IGBP1C: variants seen among roughly 807,000 people sequenced by gnomAD.
IGBP1C encodes IGBP1 family member C, also known as immunoglobulin-binding protein 1 family member C.
At chr17:58,680,692 C>T in the IGBP1C span, among the ~76,000 whole-genome samples, 3 of 152,032 alleles carry the variant, frequency 2.0e-5, no homozygotes, top group Non-Finnish European at 2.9e-5. Context: ...GCTGAGATCA[C>T]GCCGCTGCAC....
chr17:58,672,646 T>C, the IGBP1C span, among the ~76,000 whole-genome samples: 1 of 152,168 alleles, frequency 6.6e-6, no homozygotes, highest in African/African-American at 2.4e-5. Context: ...GGTTTCACCA[T>C]GTTGGCCAGG....
At chr17:58,684,170 T>C in the IGBP1C span, among the ~76,000 whole-genome samples, 2 of 148,982 alleles carry the variant, frequency 1.3e-5, no homozygotes, top group South Asian at 4.2e-4. Flanking sequence ...GAAAAAAAAA[T>C]GCTTCCGCCC....
chr17:58,668,901 G>A, the IGBP1C span, among the ~76,000 whole-genome samples: 1 of 152,158 alleles, frequency 6.6e-6, no homozygotes, highest in Non-Finnish European at 1.5e-5. Flanking sequence ...GTAGGGTGGA[G>A]ACATTCTGGC....
the IGBP1C span, among the ~76,000 whole-genome samples, chr17:58,679,173 A>G: frequency 2.0e-5 from 3 of 152,072 alleles, no homozygotes; most frequent in African/African-American, 7.2e-5. Context: ...GAAAAAAAAC[A>G]GAAGGACTCT....
At chr17:58,680,356 G>C in the IGBP1C span, among the ~76,000 whole-genome samples, 5 of 152,144 alleles carry the variant, frequency 3.3e-5, no homozygotes, top group Non-Finnish European at 7.4e-5. Context: ...AGTCCAAAGT[G>C]TCATGCTTAC....
chr17:58,682,867 C>T, the IGBP1C span, among the ~76,000 whole-genome samples: 2 of 151,994 alleles, frequency 1.3e-5, no homozygotes, highest in African/African-American at 2.4e-5. Flanking sequence ...TGTTATAATC[C>T]TCACAGAGGT....
chr17:58,661,285 C>T, the IGBP1C span: 1 of 808,642 alleles, frequency 1.2e-6, no homozygotes, highest in Non-Finnish European at 2.3e-6. Flanking sequence ...CGCGAGCCTG[C>T]TGCAAATGAT....
the IGBP1C span, among the ~76,000 whole-genome samples, chr17:58,663,363 A>C: frequency 6.7e-6 from 1 of 149,792 alleles, no homozygotes; most frequent in South Asian, 2.2e-4. Flanking sequence ...CGGAGGTTGC[A>C]GTAAGCCGAG....
chr17:58,663,883 C>T, the IGBP1C span, among the ~76,000 whole-genome samples: 1 of 152,172 alleles, frequency 6.6e-6, no homozygotes, highest in African/African-American at 2.4e-5. Context: ...AAAAACCATA[C>T]TAACTCTATT....
At chr17:58,663,396 T>C in the IGBP1C span, among the ~76,000 whole-genome samples, 4 of 131,952 alleles carry the variant, frequency 3.0e-5, no homozygotes, top group African/African-American at 8.8e-5. Context: ...CACTCCAGCC[T>C]GGGCAACAAG....
At chr17:58,688,308 C>G in the IGBP1C span, among the ~76,000 whole-genome samples, 1 of 152,000 alleles carries the variant, frequency 6.6e-6, no homozygotes, top group East Asian at 1.9e-4. Context: ...TTAGTAGAGA[C>G]GGGGTTTTAC....
At chr17:58,666,458 CAAAAAAAAAAAAAAAA>C in the IGBP1C span, 4 of 36,814 alleles carry the variant, frequency 1.1e-4, no homozygotes, top group East Asian at 1.2e-3. Flanking sequence ...CCTTCCACGG[CAAAAAAAAAAAAAAAA>C]AAAAAAAAAA....
the IGBP1C span, among the ~76,000 whole-genome samples, chr17:58,678,404 A>T: frequency 6.6e-6 from 1 of 152,234 alleles, no homozygotes; most frequent in Admixed American, 6.5e-5. Context: ...TATTCACAAT[A>T]GCAAAGACTT....
chr17:58,687,918 G>T, the IGBP1C span, among the ~76,000 whole-genome samples: 1 of 152,024 alleles, frequency 6.6e-6, no homozygotes, highest in Non-Finnish European at 1.5e-5. Flanking sequence ...GCTCCATGAG[G>T]GCAGAGAATC....
chr17:58,674,644 T>A, the IGBP1C span, among the ~76,000 whole-genome samples: 2 of 152,118 alleles, frequency 1.3e-5, no homozygotes, highest in African/African-American at 4.8e-5. Context: ...CACTCCAGCC[T>A]GGGTGACAGA....
chr17:58,680,291 T>A, the IGBP1C span, among the ~76,000 whole-genome samples: 3 of 152,306 alleles, frequency 2.0e-5, no homozygotes, highest in Admixed American at 1.3e-4. Context: ...TAAAATTATT[T>A]CTGAAAATCC....
chr17:58,676,061 G>GA, the IGBP1C span, among the ~76,000 whole-genome samples: 1 of 152,044 alleles, frequency 6.6e-6, no homozygotes, highest in Non-Finnish European at 1.5e-5. Flanking sequence ...CCAACATGGT[G>GA]AAACCCTCTC....
chr17:58,687,391 C>T, the IGBP1C span, among the ~76,000 whole-genome samples: 1 of 152,150 alleles, frequency 6.6e-6, no homozygotes, highest in Non-Finnish European at 1.5e-5. Context: ...TCTTTTGTCT[C>T]GTCTTTTATT....
At chr17:58,687,073 C>T in the IGBP1C span, among the ~76,000 whole-genome samples, 1 of 151,880 alleles carries the variant, frequency 6.6e-6, no homozygotes, top group Admixed American at 6.6e-5. Flanking sequence ...ACCAACTCAG[C>T]ATTCCACTGG....
Sources: gnomAD v4.1 joint callset for allele counts (sites outside exome capture counted in the v4.1 genomes callset) on GRCh38, gnomAD v4.1.1 for gene constraint, MANE v1.5 for transcripts, NCBI Gene and HGNC (gene_info 2026-07-23, HGNC 2026-07-21) for gene names.